The following ZNF292 variants were observed in gnomAD, a reference collection of about 807,000 sequenced individuals.
ZNF292 encodes the protein zinc finger protein 292.
A neutral mutation model predicts 217.9 loss-of-function variants in ZNF292; 26 were observed. The observed-to-expected ratio is 0.12, with a 90% CI of 0.09 to 0.17. The LOEUF is 0.17. Ranked by LOEUF, ZNF292 falls within the 10% of genes least tolerant of loss-of-function variation. ZNF292 has a pLI of 1.00. For missense variants in ZNF292, 2,904 were observed against 3,175.2 expected (o/e 0.91, Z 2.05); for synonymous variants, 1,257 against 1,124.1 (o/e 1.12, Z -2.37).
In ZNF292 at chr6:87,255,123, T is replaced by C. The variant is rs1488633042; in HGVS notation, c.1494T>C (p.Ser498=). 1 of 1,613,740 alleles carries C rather than the reference T, an allele frequency of 6.2e-7. No individual in the cohort carries two copies. Among genetic ancestry groups the C allele is most frequent in the Admixed American group, 1.7e-5 (1 of 60,010 alleles). ...AAGAAACTTCTATGAATGGGCTTTC[T>C]GGTGGAGTTGGTGCTAATTCTGGCC... ...ESKETSMNGL[S]GGVGANSGLL... The change falls in exon 8 of 8, where the codon TCT becomes TCC. Residue 498 remains serine (S), a synonymous_variant. Transcript: ENST00000369577.
chr6:87,181,300 AG>A (rs2127778210), intron 1 of ZNF292, among the ~76,000 whole-genome samples: 1 of 151,858 alleles, frequency 6.6e-6, no homozygotes. Flanking sequence ...GAAGGTGGGG[AG>A]GGGTGGGGGA....
In ZNF292 at chr6:87,259,827, A is replaced by G. The variant is rs746401045; in HGVS notation, c.6198A>G (p.Gln2066=). Residue 2066 remains glutamine, a synonymous_variant, in exon 8 of 8, where the codon CAA becomes CAG. Transcript: ENST00000369577. ...SLQVITVTSE[Q]CNTNALTNTQ... is the part of the protein sequence containing the mutation. ...AAGTGATTACAGTTACTTCAGAACA[A>G]TGTAATACAAATGCACTCACAAACA... 13 of 1,612,468 alleles carry G rather than the reference A, an allele frequency of 8.1e-6. No individual in the cohort carries two copies. Among genetic ancestry groups the G allele is most frequent in the Non-Finnish European group, 1.0e-5 (12 of 1,179,122 alleles).
rs1466450888 is a variant in ZNF292, at chr6:87,264,659, T to A, written c.*2858T>A. The stretch of plus-strand genomic sequence containing the variant: ...ACTTGGGGGTAGAGCGTAATTGCGG[T>A]ATTGCCAGTGGGCCACTTGGAAAGA... On this transcript the variant is annotated 3_prime_UTR_variant, in exon 8 of 8. Transcript: ENST00000369577. 6.6e-6 allele frequency among the ~76,000 whole-genome samples: 1 copy of A among 152,150 alleles called. No individual in the cohort carries two copies. The highest frequency in any genetic ancestry group is 1.5e-5 in the Non-Finnish European group (1 of 68,028).
Position 87,259,076 on chromosome 6 carries a change from T to C in ZNF292, c.5447T>C (p.Ile1816Thr), listed in dbSNP as rs1285746632. 2 of 1,613,254 alleles carry C rather than the reference T, an allele frequency of 1.2e-6. No individual in the cohort carries two copies. Among genetic ancestry groups the C allele is most frequent in the East Asian group, 2.2e-5 (1 of 44,858 alleles). Residue 1816 changes from isoleucine to threonine, a missense_variant, in exon 8 of 8, where the codon ATA (isoleucine) becomes ACA (threonine). Physicochemically the swap from Ile to Thr is moderately conservative, Grantham distance 89. Around this residue, in one of 15 missense-constraint regions of ZNF292, gnomAD observed 622 missense variants for 573.1 expected, o/e 1.09. Coordinates refer to ENST00000369577, the MANE Select transcript of ZNF292 (RefSeq NM_015021.3). The stretch of plus-strand genomic sequence containing the variant: ...GATTCTTCTCCGTTTTCCTCCTTTA[T>C]AAGTGTCATGCCAACAAAAAGTAAC... Reference protein sequence around the residue: ...LPDSSPFSSFISVMPTKSNIP... With the variant: ...LPDSSPFSSFTSVMPTKSNIP...
intron 1 of ZNF292, among the ~76,000 whole-genome samples, chr6:87,178,985 A>C (rs1771385015): frequency 1.3e-5 from 2 of 152,136 alleles, no homozygotes; most frequent in Admixed American, 1.3e-4. Context: ...GAATTTCATT[A>C]GTTTTGAATT....
intron 7 of ZNF292, 101 bp from the exon 8 acceptor site, chr6:87,254,549 A>G: frequency 8.4e-7 from 1 of 1,193,406 alleles, no homozygotes; most frequent in Non-Finnish European, 1.2e-6. Flanking sequence ...TTGCTATTGC[A>G]AGATTTGAGT....
chr6:87,169,464 T>C (rs1356534396), intron 1 of ZNF292, among the ~76,000 whole-genome samples: 1 of 152,166 alleles, frequency 6.6e-6, no homozygotes, highest in Non-Finnish European at 1.5e-5. Context: ...GACAGTGTTA[T>C]ACAGATAATC....
At chr6:87,200,083 CT>C (rs951606220) in intron 1 of ZNF292, among the ~76,000 whole-genome samples, 14 of 152,148 alleles carry the variant, frequency 9.2e-5, no homozygotes, top group Non-Finnish European at 1.8e-4. Context: ...TATGTACATC[CT>C]GGGCTTGTAG....
intron 5 of ZNF292, among the ~76,000 whole-genome samples, chr6:87,236,133 C>T (rs1446076670): frequency 6.6e-6 from 1 of 152,234 alleles, no homozygotes; most frequent in Non-Finnish European, 1.5e-5. Flanking sequence ...TGCTCTCTCA[C>T]TTGCCCACCC....
intron 1 of ZNF292, among the ~76,000 whole-genome samples, chr6:87,178,596 T>C (rs1362138418): frequency 6.6e-6 from 1 of 152,196 alleles, no homozygotes; most frequent in Non-Finnish European, 1.5e-5. Context: ...TGCCTATGTG[T>C]ATAAGAGAGA....
chr6:87,250,250 A>G (rs74919739), intron 7 of ZNF292, among the ~76,000 whole-genome samples: 9,027 of 150,668 alleles, frequency 0.06, 331 homozygotes, highest in Middle Eastern at 0.088. Context: ...TGGGTAAAAC[A>G]GTGAAACCTG....
chr6:87,181,597 C>T lies in ZNF292; in HGVS notation c.168+25838C>T, dbSNP rs143640633. Among the ~76,000 whole-genome samples the T allele has an allele frequency of 3.6e-3, 551 of 152,286 alleles. 4 individuals are homozygous for T. Among genetic ancestry groups the T allele is most frequent in the African/African-American group, 0.012 (509 of 41,554 alleles). On this transcript the variant is annotated intron_variant, in intron 1 of 7. Transcript: ENST00000369577. The stretch of plus-strand genomic sequence containing the variant: ...TGAGTGTGGGGCATTTGCCGGGGAT[C>T]TGCCCTCTTCTACCCAGTATTTTCC...
At chr6:87,211,885 T>G (rs1433437544) in intron 1 of ZNF292, among the ~76,000 whole-genome samples, 1 of 152,194 alleles carries the variant, frequency 6.6e-6, no homozygotes, top group Non-Finnish European at 1.5e-5. Flanking sequence ...ACATTTATCT[T>G]TGTCTGTTCA....
In ZNF292 at chr6:87,216,389, T is replaced by A. The variant is rs778651129; in HGVS notation, c.402+12T>A. On this transcript the variant is annotated intron_variant, in intron 3 of 7. Coordinates refer to ENST00000369577, the MANE Select transcript of ZNF292 (RefSeq NM_015021.3). The stretch of plus-strand genomic sequence containing the variant: ...AGACACTGGTGCAGGTGAGAATCTT[T>A]ATCTTTAGATTTAATACAGGTATAT... The A allele has an allele frequency of 6.4e-6, 10 of 1,551,408 alleles. No homozygotes were observed. In the South Asian group the frequency reaches 1.2e-4, roughly 18 times the overall value.
chr6:87,187,937 T>A (rs985138619), intron 1 of ZNF292, among the ~76,000 whole-genome samples: 11 of 152,156 alleles, frequency 7.2e-5, no homozygotes, highest in African/African-American at 2.7e-4. Flanking sequence ...ACCTATCTGC[T>A]TATTACTGCC....
At chr6:87,162,031 C>G (rs1198619626) in intron 1 of ZNF292, among the ~76,000 whole-genome samples, 1 of 152,196 alleles carries the variant, frequency 6.6e-6, no homozygotes, top group Non-Finnish European at 1.5e-5. Flanking sequence ...TAATTCTAGT[C>G]TATGGCTGGG....
intron 4 of ZNF292, among the ~76,000 whole-genome samples, chr6:87,226,121 T>A (rs1414411914): frequency 6.6e-6 from 1 of 152,200 alleles, no homozygotes; most frequent in African/African-American, 2.4e-5. Context: ...TTCCCTCTAC[T>A]TCTATATTGG....
rs72098361 is a variant in ZNF292, at chr6:87,265,089, TTCTC to T, written c.*3304_*3307del. Among the ~76,000 whole-genome samples the T allele has an allele frequency of 0.08, 12,156 of 151,364 alleles. 825 individuals carry two copies. Among genetic ancestry groups the T allele is most frequent in the African/African-American group, 0.19 (7,664 of 41,206 alleles). ...AAGTTTTCTAAATTGTGTGCTGTAG[TTCTC>T]TCTCTCTCTCTCTCTTTTTTTTTCT... On this transcript the variant is annotated 3_prime_UTR_variant, in exon 8 of 8. Transcript: ENST00000369577.
At chr6:87,206,961 G>A (rs1377122109) in intron 1 of ZNF292, among the ~76,000 whole-genome samples, 1 of 152,194 alleles carries the variant, frequency 6.6e-6, no homozygotes, top group African/African-American at 2.4e-5. Context: ...GTGTCGAAAG[G>A]GATGTAGTTT....
Sources: allele counts gnomAD v4.1 joint callset (sites outside exome capture counted in the v4.1 genomes callset), GRCh38; gene constraint gnomAD v4.1.1; regional missense constraint gnomAD v4.1.1; transcripts MANE v1.5; gene names NCBI Gene and HGNC (gene_info 2026-07-23, HGNC 2026-07-21).